The following CA11 variants were observed in gnomAD, a reference collection of about 807,000 sequenced individuals.
CA11 encodes carbonic anhydrase 11 (inactive), also known as carbonic anhydrase-related protein 11.
Under a neutral mutation model 39.3 loss-of-function variants are expected in CA11, and 20 were observed. That is an observed-to-expected ratio of 0.51 (90% CI 0.36 to 0.74). The LOEUF (loss-of-function observed/expected upper bound fraction) is 0.74. Among genes scored for constraint, CA11 ranks in the 30% least tolerant of loss-of-function variants. CA11 has a pLI of 0.00. For missense variants in CA11, 336 were observed against 424.6 expected, an observed-to-expected ratio of 0.79 and a Z score of 1.83; for synonymous variants, 166 against 172.5, an observed-to-expected ratio of 0.96 and a Z score of 0.29.
chr19:48,645,746 C>T lies in CA11; in HGVS notation c.-114G>A. ...CAGGACTTCCAGCTTTCCTCTCCTCCCCACAGGGAGTCCCAGTTCCCCAAA... is the reference window on the plus strand; with the variant it reads ...CAGGACTTCCAGCTTTCCTCTCCTCTCCACAGGGAGTCCCAGTTCCCCAAA... On this transcript the variant is annotated 5_prime_UTR_variant, in exon 1 of 9. Coordinates refer to ENST00000084798, the MANE Select transcript of CA11 (RefSeq NM_001217.5). The T allele has an allele frequency of 1.2e-6, 1 of 838,894 alleles. No individual in the cohort carries two copies. The highest frequency in any genetic ancestry group is 2.0e-5 in the South Asian group (1 of 49,702). The allele number at this position is 838,894 out of a possible 1,614,324, so 52.0% of individuals were successfully genotyped here.
Position 48,638,783 on chromosome 19 carries a change from T to C in CA11, c.961+105A>G, listed in dbSNP as rs1448005188. The C allele has an allele frequency of 2.7e-5, 33 of 1,225,662 alleles. 1 individual carries two copies. In the East Asian group the frequency reaches 7.2e-4, roughly 27 times the overall value. The allele number at this position is 1,225,662 out of a possible 1,614,324, so 75.9% of individuals were successfully genotyped here. ...AGACAGCTCACGAGGCTAGACCATATAGACGCAGGAAGGAGGATGGGACTG... is the reference window on the plus strand; with the variant it reads ...AGACAGCTCACGAGGCTAGACCATACAGACGCAGGAAGGAGGATGGGACTG... On this transcript the variant is annotated intron_variant, in intron 8 of 8. Coordinates refer to ENST00000084798, the MANE Select transcript of CA11 (RefSeq NM_001217.5).
In CA11 at chr19:48,637,973, C is replaced by G; in HGVS notation, c.*146G>C. 1 of 492,710 alleles carries G rather than the reference C, an allele frequency of 2.0e-6. No individual in the cohort carries two copies. The allele number at this position is 492,710 out of a possible 1,614,324, so 30.5% of individuals were successfully genotyped here. A position where few individuals can be genotyped will look rare whatever the true frequency, so the allele number is the denominator to read the frequency against. On this transcript the variant is annotated 3_prime_UTR_variant, in exon 9 of 9. Coordinates refer to ENST00000084798, the MANE Select transcript of CA11 (RefSeq NM_001217.5). Reference sequence around the variant, plus strand: ...TCCGGAAGAAGTCTGTTCTTTAATACCCAAATGTTTCCCCACCGCGCCTAG... The same window carrying G: ...TCCGGAAGAAGTCTGTTCTTTAATAGCCAAATGTTTCCCCACCGCGCCTAG...
rs1341660340 is a variant in CA11, at chr19:48,643,275, T to C, written c.285+1152A>G. Among the ~76,000 whole-genome samples, 6 of 152,296 alleles carry C rather than the reference T, an allele frequency of 3.9e-5. No homozygotes were observed. Among genetic ancestry groups the C allele is most frequent in the African/African-American group, 1.2e-4 (5 of 41,562 alleles). On this transcript the variant is annotated intron_variant, in intron 3 of 8. Transcript: ENST00000084798. This position sits in a 1 kb window ranked among gnomAD's most constrained non-coding sequence, Gnocchi z 4.3. ...CCCAGGCTGGAGTCCAGTGGCGTGA[T>C]GTCAGCTCACTGCAACCTCCGCCTC... is the stretch of plus-strand genomic sequence containing the variant.
At chr19:48,642,368 G>A (rs1468018712) in intron 3 of CA11, among the ~76,000 whole-genome samples, 1 of 151,932 alleles carries the variant, frequency 6.6e-6, no homozygotes, top group South Asian at 2.1e-4. Flanking sequence ...GTGTGGCGGT[G>A]GGCGCCTGTA....
chr19:48,640,121 T>C lies in CA11; in HGVS notation c.445A>G (p.Ile149Val). 1 of 1,613,790 alleles carries C rather than the reference T, an allele frequency of 6.2e-7. No individual in the cohort carries two copies. The highest frequency in any genetic ancestry group is 1.7e-4 in the Middle Eastern group (1 of 6,046). The change falls in exon 4 of 9, where the codon ATC becomes GTC. Residue 149 changes from isoleucine to valine, a missense_variant. By Grantham distance (29) the Ile-to-Val change is conservative. Transcript: ENST00000084798. ...ARDGAGSEHQ[I>V]NHQGFSAEVQ... ...TCAGCAGAGAAGCCCTGGTGGTTGATCTGATGTTCCGAGCCGGCTCCGTCG... is the reference window on the plus strand; with the variant it reads ...TCAGCAGAGAAGCCCTGGTGGTTGACCTGATGTTCCGAGCCGGCTCCGTCG...
In CA11 at chr19:48,643,400, G is replaced by C. The variant is rs2031148742; in HGVS notation, c.285+1027C>G. Among the ~76,000 whole-genome samples the C allele has an allele frequency of 6.6e-6, 1 of 151,706 alleles. No homozygotes were observed. The highest frequency in any genetic ancestry group is 2.4e-5 in the African/African-American group (1 of 41,112). ...AATTTTTGTATTTTTAGTAGAGATG[G>C]GGTTTCACCATGTTGGCCAGGCTGA... On this transcript the variant is annotated intron_variant, in intron 3 of 8. Transcript: ENST00000084798. This position sits in a 1 kb window ranked among gnomAD's most constrained non-coding sequence, Gnocchi z 4.3.
chr19:48,640,201 C>T lies in CA11; in HGVS notation c.365G>A (p.Gly122Asp). Reference sequence around the variant, plus strand: ...GAGTCGGTGGCTGTAAAGGAGGGGACCTCCAGACACATTGACCACAGGTCG... The same window carrying T: ...GAGTCGGTGGCTGTAAAGGAGGGGATCTCCAGACACATTGACCACAGGTCG... ...APRPVVNVSG[G>D]PLLYSHRLSE... The change falls in exon 4 of 9, where the codon GGT becomes GAT. Residue 122 changes from glycine (G) to aspartate (D), a missense_variant. By Grantham distance (94) the Gly-to-Asp change is moderately conservative. Coordinates refer to ENST00000084798, the MANE Select transcript of CA11 (RefSeq NM_001217.5). 1 of 1,614,004 alleles carries T rather than the reference C, an allele frequency of 6.2e-7. No homozygotes were observed. The highest frequency in any genetic ancestry group is 8.5e-7 in the Non-Finnish European group (1 of 1,180,008).
chr19:48,642,650 G>A (rs537803867), intron 3 of CA11, among the ~76,000 whole-genome samples: 31 of 152,248 alleles, frequency 2.0e-4, no homozygotes, highest in African/African-American at 7.0e-4. Context: ...TCTTATTTGT[G>A]TTTTAAACAT....
Position 48,643,427 on chromosome 19 carries a change from CTCGAA to C in CA11, c.285+995_285+999del. Reference sequence around the variant, plus strand: ...GTTTCACCATGTTGGCCAGGCTGATCTCGAACTCCTAACCTCGTGATCCACCCACC... The same window carrying C: ...GTTTCACCATGTTGGCCAGGCTGATCCTCCTAACCTCGTGATCCACCCACC... On this transcript the variant is annotated intron_variant, in intron 3 of 8. Coordinates refer to ENST00000084798, the MANE Select transcript of CA11 (RefSeq NM_001217.5). The surrounding 1 kb of genome is among the most constrained non-coding windows in gnomAD (Gnocchi z 4.3). Among the ~76,000 whole-genome samples the C allele has an allele frequency of 6.9e-6, 1 of 144,532 alleles. No individual in the cohort carries two copies. The highest frequency in any genetic ancestry group is 1.5e-5 in the Non-Finnish European group (1 of 67,912). The allele number at this position is 144,532 out of a possible 152,430, so 94.8% of individuals were successfully genotyped here. A position where few individuals can be genotyped will look rare whatever the true frequency, so the allele number is the denominator to read the frequency against.
Position 48,638,914 on chromosome 19 carries a change from C to A in CA11, c.935G>T (p.Cys312Phe). ...ATGCAGGCGGTAGTTGGGGCCTCGG[C>A]AGCGCCTCTCGGGGTGCCGGGGGTC... ...NRDPRHPERR[C>F]RGPNYRLHVD... The change falls in exon 8 of 9, where the codon TGC becomes TTC. Residue 312 changes from cysteine to phenylalanine, a missense_variant. Cys to Phe is a radical substitution (Grantham distance 205). Coordinates refer to ENST00000084798, the MANE Select transcript of CA11 (RefSeq NM_001217.5). 6.2e-7 allele frequency: 1 copy of A among 1,601,584 alleles called. No individual in the cohort carries two copies. Among genetic ancestry groups the A allele is most frequent in the Non-Finnish European group, 8.5e-7 (1 of 1,175,258 alleles).
intron 7 of CA11, 36 bp downstream of exon 7, chr19:48,639,269 C>T: frequency 6.2e-7 from 1 of 1,608,308 alleles, no homozygotes; most frequent in Non-Finnish European, 8.5e-7. Flanking sequence ...AGTGGAGTAC[C>T]CAGGCCTAGG....
intron 7 of CA11, 84 bp from the exon 8 acceptor site, chr19:48,639,137 C>T (rs1226697358): frequency 1.3e-6 from 2 of 1,572,830 alleles, no homozygotes; most frequent in African/African-American, 1.4e-5. Flanking sequence ...CCCCTGGGAG[C>T]AGGTGGGCGG....
In CA11 at chr19:48,638,059, A is replaced by G; in HGVS notation, c.*60T>C. On this transcript the variant is annotated 3_prime_UTR_variant, in exon 9 of 9. Coordinates refer to ENST00000084798, the MANE Select transcript of CA11 (RefSeq NM_001217.5). ...CCTTTAATAGCTTTGTTTTAGGGGT[A>G]ACTCCCCTCGCCTTGTGGGGAGGCT... 7.7e-7 allele frequency: 1 copy of G among 1,300,762 alleles called. No individual in the cohort carries two copies. The highest frequency in any genetic ancestry group is 1.0e-6 in the Non-Finnish European group (1 of 970,714). 80.6% of individuals were successfully genotyped at this position (1,300,762 alleles called of 1,614,324 possible).
chr19:48,639,983 T>C (rs1172873979), intron 4 of CA11, 100 bp from the exon 5 acceptor site: 1 of 1,500,182 alleles, frequency 6.7e-7, no homozygotes, highest in Non-Finnish European at 9.2e-7. Context: ...GTGCTTAGGG[T>C]GGGAGGCCAG....
At position 48,643,697 on chromosome 19, in the gene CA11, C is replaced by T. The variant is rs80047887; in HGVS notation, c.285+730G>A. Among the ~76,000 whole-genome samples, 1,122 of 151,850 alleles carry T rather than the reference C, an allele frequency of 7.4e-3. 14 individuals carry two copies. The highest frequency in any genetic ancestry group is 0.026 in the African/African-American group (1,063 of 41,364). The stretch of plus-strand genomic sequence containing the variant: ...AAAGCAGGTCCCAGCATTCATGCTA[C>T]GCTGCTTGGTTTGAATGCCAGTGCT... On this transcript the variant is annotated intron_variant, in intron 3 of 8. Coordinates refer to ENST00000084798, the MANE Select transcript of CA11 (RefSeq NM_001217.5). This position sits in a 1 kb window ranked among gnomAD's most constrained non-coding sequence, Gnocchi z 4.3.
Position 48,644,444 on chromosome 19 carries a change from T to G in CA11, c.268A>C (p.Ser90Arg), listed in dbSNP as rs756311601. 1.9e-6 allele frequency: 3 copies of G among 1,605,356 alleles called. No homozygotes were observed. Among genetic ancestry groups the G allele is most frequent in the Non-Finnish European group, 2.6e-6 (3 of 1,174,574 alleles). ...YDPFLPPLRL[S>R]TGGEKLRGTL... ...CCCCTTACCTTCTCTCCTCCAGTGC[T>G]GAGCCTTAATGGGGGCAGAAAGGGG... is the stretch of plus-strand genomic sequence containing the variant. The change falls in exon 3 of 9, where the codon AGC (serine) becomes CGC (arginine). Residue 90 changes from serine (S) to arginine (R), a missense_variant. Transcript: ENST00000084798.
chr19:48,642,610 ATAG>A (rs2031122661), intron 3 of CA11, among the ~76,000 whole-genome samples: 1 of 136,272 alleles, frequency 7.3e-6, no homozygotes. Context: ...ACATATCCTA[ATAG>A]GAGGATTTTG....
rs1281424631 is a variant in CA11, at chr19:48,645,612, C to T, written c.21G>A (p.Leu7=). Residue 7 remains leucine (L), a synonymous_variant, in exon 1 of 9, where the codon CTG becomes CTA. Coordinates refer to ENST00000084798, the MANE Select transcript of CA11 (RefSeq NM_001217.5). Reference sequence around the variant, plus strand: ...AGAGTACCAGCGCTCGAGGGGCGCTCAGACGAGCTGCAGCCCCCATCCCCA... The same window carrying T: ...AGAGTACCAGCGCTCGAGGGGCGCTTAGACGAGCTGCAGCCCCCATCCCCA... MGAAAR[L]SAPRALVLWA... 7.5e-6 allele frequency: 12 copies of T among 1,599,294 alleles called. No individual in the cohort carries two copies. Among genetic ancestry groups the T allele is most frequent in the Non-Finnish European group, 9.4e-6 (11 of 1,173,426 alleles).
chr19:48,638,622 C>G (rs2030937921), intron 8 of CA11, among the ~76,000 whole-genome samples: 1 of 151,904 alleles, frequency 6.6e-6, no homozygotes, highest in South Asian at 2.1e-4. Context: ...GTAATTGGAC[C>G]ATAGGAAGGC....
Sources: allele counts gnomAD v4.1 joint callset (sites outside exome capture counted in the v4.1 genomes callset), GRCh38; gene constraint gnomAD v4.1.1; non-coding constraint Gnocchi (gnomAD v3.1); transcripts MANE v1.5; gene names NCBI Gene and HGNC (gene_info 2026-07-23, HGNC 2026-07-21).